ANK2: variants seen among roughly 807,000 people sequenced by gnomAD.
The protein encoded by ANK2 is ankyrin-2.
In ANK2, 83 loss-of-function variants were observed where a neutral mutation model predicts 360.5. That is an observed-to-expected ratio of 0.23 (90% CI 0.19 to 0.28). The LOEUF (loss-of-function observed/expected upper bound fraction) is 0.28. Ranked by LOEUF, ANK2 falls within the 10% of genes least tolerant of loss-of-function variation. The probability of loss-of-function intolerance (pLI) is 1.00; values close to 1 mark genes in which losing one functional copy is unlikely to be tolerated. For synonymous variants in ANK2, 1,740 were observed against 1,759.5 expected, an observed-to-expected ratio of 0.99 and a Z score of 0.28; for missense variants, 4,201 against 4,795.7, an observed-to-expected ratio of 0.88 and a Z score of 3.66.
At chr4:113,181,452 T>C (rs941451590) in intron 2 of ANK2, among the ~76,000 whole-genome samples, 1 of 152,160 alleles carries the variant, frequency 6.6e-6, no homozygotes, top group Non-Finnish European at 1.5e-5. Flanking sequence ...TACTCAAACA[T>C]GTATTGTGTG....
chr4:113,036,070 T>TA (rs2061524354), intron 2 of ANK2, among the ~76,000 whole-genome samples: 1 of 151,938 alleles, frequency 6.6e-6, no homozygotes, highest in Non-Finnish European at 1.5e-5. Context: ...CGTAGTCTCA[T>TA]ACGTCTTCCA....
At chr4:113,095,738 A>G (rs2090757641) in intron 1 of ANK2, among the ~76,000 whole-genome samples, 1 of 152,194 alleles carries the variant, frequency 6.6e-6, no homozygotes, top group Admixed American at 6.5e-5. Flanking sequence ...GAAAAGGAGA[A>G]CTAGTTTCTT....
intron 4 of ANK2, among the ~76,000 whole-genome samples, chr4:113,206,691 T>C (rs1165193986): frequency 3.3e-5 from 5 of 152,312 alleles, no homozygotes; most frequent in Admixed American, 2.0e-4. Flanking sequence ...TTTCCAGTTC[T>C]CTATATGCTT....
chr4:113,374,163 A>T (rs983966567), intron 45 of ANK2, among the ~76,000 whole-genome samples: 1 of 152,186 alleles, frequency 6.6e-6, no homozygotes, highest in African/African-American at 2.4e-5. Context: ...ACCTCAAATG[A>T]TCCACCCGCC....
chr4:113,300,805 A>G (rs759875835), intron 22 of ANK2, among the ~76,000 whole-genome samples: 11 of 152,142 alleles, frequency 7.2e-5, no homozygotes, highest in Non-Finnish European at 1.6e-4. Context: ...AGGCCTTGCT[A>G]CCTCTCGCTC....
chr4:113,233,104 C>CTTTTTTTTTTTTTTTTTTTTTTTT lies in ANK2; in HGVS notation c.483+846_483+847insTTTTTTTTTTTTTTTTTTTTTTTT, dbSNP rs1563056547. On this transcript the variant is annotated intron_variant, in intron 5 of 45. Transcript: ENST00000357077. ...ACCAGAGTATATGGGCTTGGCTTTTCTGTTTTTTTTTTTTTTTTTTTTTTT... is the reference window on the plus strand; with the variant it reads ...ACCAGAGTATATGGGCTTGGCTTTTCTTTTTTTTTTTTTTTTTTTTTTTTTGTTTTTTTTTTTTTTTTTTTTTTT... Among the ~76,000 whole-genome samples the CTTTTTTTTTTTTTTTTTTTTTTTT allele has an allele frequency of 6.8e-5, 2 of 29,296 alleles. 1 individual carries two copies. Among genetic ancestry groups the CTTTTTTTTTTTTTTTTTTTTTTTT allele is most frequent in the Non-Finnish European group, 1.3e-4 (2 of 15,494 alleles). 19.2% of individuals were successfully genotyped at this position (29,296 alleles called of 152,430 possible).
chr4:112,986,829 A>G (rs1300554137), intron 2 of ANK2, among the ~76,000 whole-genome samples: 1 of 152,204 alleles, frequency 6.6e-6, no homozygotes, highest in Non-Finnish European at 1.5e-5. Context: ...AGATGGCAAC[A>G]CTGTGCGATG....
At chr4:112,728,537 G>A in the ANK2 span, among the ~76,000 whole-genome samples, 1 of 151,822 alleles carries the variant, frequency 6.6e-6, no homozygotes, top group African/African-American at 2.4e-5. Context: ...GATCGCTTGA[G>A]ACCAGGAGTT....
chr4:113,328,837 G>A (rs992633967), intron 26 of ANK2, among the ~76,000 whole-genome samples: 1 of 152,236 alleles, frequency 6.6e-6, no homozygotes, highest in East Asian at 1.9e-4. Flanking sequence ...TCTGTGTTCC[G>A]CTTTGAAGAA....
At chr4:113,190,278 A>G (rs913773365) in intron 2 of ANK2, among the ~76,000 whole-genome samples, 1 of 151,902 alleles carries the variant, frequency 6.6e-6, no homozygotes, top group Non-Finnish European at 1.5e-5. Flanking sequence ...CTAATTTTTT[A>G]GTTTTCATTT....
Position 113,365,109 on chromosome 4 carries a change from A to G in ANK2, c.10959A>G (p.Thr3653=), listed in dbSNP as rs2096458662. 3 of 1,614,098 alleles carry G rather than the reference A, an allele frequency of 1.9e-6. No homozygotes were observed. The highest frequency in any genetic ancestry group is 1.3e-5 in the African/African-American group (1 of 75,032). The change falls in exon 41 of 46, where the codon ACA becomes ACG. Residue 3653 remains threonine, a synonymous_variant. Coordinates refer to ENST00000357077, the MANE Select transcript of ANK2 (RefSeq NM_001148.6). ...TTGTTCATCTCATGGAGACCAACAC[A>G]GAACCTCTCCAGGAGCGCATCAGTC... ...MDIVHLMETN[T]EPLQERISHS...
chr4:113,234,364 C>T (rs950674262), intron 5 of ANK2, among the ~76,000 whole-genome samples: 5 of 152,166 alleles, frequency 3.3e-5, no homozygotes, highest in Non-Finnish European at 5.9e-5. Context: ...CTAGCTTAGA[C>T]ACATTATATA....
At chr4:112,810,169 T>A in the ANK2 span, among the ~76,000 whole-genome samples, 886 of 97,498 alleles carry the variant, frequency 9.1e-3, 1 homozygote, top group African/African-American at 0.012. Context: ...ATTTTTTTTT[T>A]TTTTTTTTTT....
intron 1 of ANK2, among the ~76,000 whole-genome samples, chr4:113,163,379 GTGAA>G (rs2097611025): frequency 6.6e-6 from 1 of 152,214 alleles, no homozygotes; most frequent in South Asian, 2.1e-4. Context: ...GGAGAATGGG[GTGAA>G]TGAATAAGTT....
chr4:113,115,996 T>C (rs928791438), intron 1 of ANK2, among the ~76,000 whole-genome samples: 1 of 152,156 alleles, frequency 6.6e-6, no homozygotes, highest in Non-Finnish European at 1.5e-5. Flanking sequence ...TAAGAATGAA[T>C]AACTAAGAAG....
At chr4:112,872,319 C>T (rs1287193220) in intron 1 of ANK2, among the ~76,000 whole-genome samples, 7 of 151,742 alleles carry the variant, frequency 4.6e-5, no homozygotes, top group East Asian at 1.9e-4. Flanking sequence ...TGTCAGCCAC[C>T]GTGTCCAGTC....
chr4:113,180,288 G>A lies in ANK2; in HGVS notation c.186+5771G>A, dbSNP rs117158445. On this transcript the variant is annotated intron_variant, in intron 2 of 45. Coordinates refer to ENST00000357077, the MANE Select transcript of ANK2 (RefSeq NM_001148.6). ...GACCCTCGGCAGTCAGCTTCTGCAG[G>A]CCTGAGTTTTCTCAACTGGAGTGAG... 2.6e-3 allele frequency among the ~76,000 whole-genome samples: 390 copies of A among 152,292 alleles called. 7 individuals are homozygous for A. The East Asian group carries it at 0.052, about 20-fold the overall frequency.
chr4:112,870,523 G>A lies in ANK2; in HGVS notation c.-39-33932G>A, dbSNP rs144927319. ...GGGATCCAAATTCACTTTTTTGCAT[G>A]TGGATATTCAGTTGTCCCAACACTA... On this transcript the variant is annotated intron_variant, in intron 1 of 30. Transcript: ENST00000503271. Among the ~76,000 whole-genome samples, 1,330 of 152,222 alleles carry A rather than the reference G, an allele frequency of 8.7e-3. 16 individuals carry two copies. Among genetic ancestry groups the A allele is most frequent in the African/African-American group, 0.03 (1,259 of 41,536 alleles).
At chr4:112,769,994 G>A in the ANK2 span, among the ~76,000 whole-genome samples, 2 of 152,136 alleles carry the variant, frequency 1.3e-5, no homozygotes, top group Non-Finnish European at 2.9e-5. Context: ...GGGCTTCTCA[G>A]CCTTCATAAT....
Sources: gnomAD v4.1 joint callset for allele counts (sites outside exome capture counted in the v4.1 genomes callset) on GRCh38, gnomAD v4.1.1 for gene constraint, MANE v1.5 for transcripts, NCBI Gene and HGNC (gene_info 2026-07-23, HGNC 2026-07-21) for gene names.